The following SPTBN4 variants were observed in gnomAD, a reference collection of about 807,000 sequenced individuals.
The protein encoded by SPTBN4 is spectrin beta chain, non-erythrocytic 4.
Under a neutral mutation model 277.8 loss-of-function variants are expected in SPTBN4, and 96 were observed. The observed-to-expected ratio is 0.35, with a 90% CI of 0.29 to 0.41. SPTBN4 has a LOEUF of 0.41. Ranked by LOEUF, SPTBN4 falls within the 10% of genes least tolerant of loss-of-function variation. The pLI, the probability that SPTBN4 is intolerant of heterozygous loss-of-function variation, is 1.00. For missense variants in SPTBN4, 3,006 were observed against 3,595.7 expected (o/e 0.84, Z 4.19); for synonymous variants, 1,481 against 1,580.3 (o/e 0.94, Z 1.49).
intron 26 of SPTBN4, among the ~76,000 whole-genome samples, chr19:40,559,412 C>A (rs962742328): frequency 3.3e-5 from 5 of 152,078 alleles, no homozygotes; most frequent in Non-Finnish European, 7.4e-5. Flanking sequence ...CTTTGGGAGG[C>A]CAACCTGGGA....
Position 40,567,909 on chromosome 19 carries a change from C to T in SPTBN4, c.6583C>T (p.Leu2195=). The T allele has an allele frequency of 1.3e-6, 2 of 1,522,774 alleles. No homozygotes were observed. Among genetic ancestry groups the T allele is most frequent in the Middle Eastern group, 2.2e-4 (1 of 4,454 alleles). The allele number at this position is 1,522,774 out of a possible 1,614,324, so 94.3% of individuals were successfully genotyped here. A position where few individuals can be genotyped will look rare whatever the true frequency, so the allele number is the denominator to read the frequency against. ...GCGCCTCCAGCCGCGCATTGACCGG[C>T]TGCCGGAGATCCCGGGGAGGGTGGA... ...PERLQPRIDR[L]PEIPGRVEPA... is the part of the protein sequence containing the mutation. The change falls in exon 31 of 36, where the codon CTG becomes TTG. Residue 2195 remains leucine (L), a synonymous_variant. Transcript: ENST00000598249.
intron 6 of SPTBN4, among the ~76,000 whole-genome samples, chr19:40,497,095 A>AG (rs2080207249): frequency 6.7e-6 from 1 of 148,544 alleles, no homozygotes; most frequent in Admixed American, 6.7e-5. Flanking sequence ...AAAAAAAAAA[A>AG]GAGGTACATG....
In SPTBN4 at chr19:40,565,509, G is replaced by A; in HGVS notation, c.6002G>A (p.Cys2001Tyr). 2 of 1,614,148 alleles carry A rather than the reference G, an allele frequency of 1.2e-6. No individual in the cohort carries two copies. The highest frequency in any genetic ancestry group is 1.7e-6 in the Non-Finnish European group (2 of 1,180,006). Reference protein sequence around the residue: ...LEARVPELTTCQELGRSLLLN... With the variant: ...LEARVPELTTYQELGRSLLLN... ...GCGCGGGTGCCTGAGCTGACCACCT[G>A]CCAGGAGCTGGGGCGATCTCTGCTG... Residue 2001 changes from cysteine to tyrosine, a missense_variant, in exon 28 of 36, where the codon TGC (cysteine) becomes TAC (tyrosine). Transcript: ENST00000598249.
Position 40,557,109 on chromosome 19 carries a change from TGAGCTGATCGA to T in SPTBN4, c.5378_5388del (p.Glu1793ValfsTer22). 1.2e-6 allele frequency: 2 copies of T among 1,607,126 alleles called. No individual in the cohort carries two copies. Among genetic ancestry groups the T allele is most frequent in the Non-Finnish European group, 1.7e-6 (2 of 1,175,476 alleles). Reference sequence around the variant, plus strand: ...TGGCAGCTGTGAACCAGATGGTGGATGAGCTGATCGAGTGTGGCCATACAGCAGCGGCCACC... The same window carrying T: ...TGGCAGCTGTGAACCAGATGGTGGATGTGTGGCCATACAGCAGCGGCCACC... On this transcript the variant is annotated frameshift_variant, in exon 26 of 36. Transcript: ENST00000598249. LOFTEE classifies it high-confidence loss of function.
chr19:40,569,764 C>T (rs369994291), intron 32 of SPTBN4, 38 bp downstream of exon 32: 6 of 1,576,772 alleles, frequency 3.8e-6, no homozygotes, highest in Non-Finnish European at 5.2e-6. Context: ...TAGGAGGACC[C>T]CTTTTTCAGA....
At chr19:40,481,092 T>C (rs13382035) in intron 2 of SPTBN4, among the ~76,000 whole-genome samples, 22,223 of 152,090 alleles carry the variant, frequency 0.15, 1,971 homozygotes, top group African/African-American at 0.24. Context: ...AAATAAATGG[T>C]GGTGTTCTCA....
chr19:40,536,008 G>A (rs949184806), intron 20 of SPTBN4, among the ~76,000 whole-genome samples: 1 of 152,070 alleles, frequency 6.6e-6, no homozygotes, highest in Non-Finnish European at 1.5e-5. Context: ...TATGTGCCCG[G>A]CACTTTTCTG....
Position 40,487,949 on chromosome 19 carries a change from C to T in SPTBN4, c.321+101C>T, listed in dbSNP as rs75356883. 1,510 of 1,347,538 alleles carry T rather than the reference C, an allele frequency of 1.1e-3. 8 individuals are homozygous for T. In the African/African-American group the frequency reaches 0.019, roughly 17 times the overall value. 83.5% of individuals were successfully genotyped at this position (1,347,538 alleles called of 1,614,324 possible). The stretch of plus-strand genomic sequence containing the variant: ...CTGAACTGCAAGCAGGGGCCTGGCT[C>T]ATGGGCGAGTGGAACGTGCTGGAAG... On this transcript the variant is annotated intron_variant, in intron 3 of 35. Coordinates refer to ENST00000598249, the MANE Select transcript of SPTBN4 (RefSeq NM_020971.3).
chr19:40,540,760 G>A (rs773784750), intron 20 of SPTBN4, among the ~76,000 whole-genome samples: 41 of 141,572 alleles, frequency 2.9e-4, no homozygotes, highest in Non-Finnish European at 5.7e-4. Flanking sequence ...GCTGCAGTGA[G>A]CTGTGATCGT....
chr19:40,539,140 G>T (rs915766494), intron 20 of SPTBN4, among the ~76,000 whole-genome samples: 2 of 152,154 alleles, frequency 1.3e-5, no homozygotes, highest in Middle Eastern at 3.4e-3. Flanking sequence ...CCAGCCTATT[G>T]CTAGGATTCA....
Position 40,575,418 on chromosome 19 carries a change from T to G in SPTBN4, c.7544T>G (p.Met2515Arg), listed in dbSNP as rs1453040029. Residue 2515 changes from methionine to arginine, a missense_variant, in exon 36 of 36, where the codon ATG (methionine) becomes AGG (arginine). By Grantham distance (91) the Met-to-Arg change is moderately conservative. Transcript: ENST00000598249. The part of the protein sequence containing the change: ...FLLQAKDEEE[M>R]NGWLEAVASS... ...CCCTGTTTCTTCCCCCAGGAGGAGATGAACGGCTGGCTGGAGGCTGTAGCT... is the reference window on the plus strand; with the variant it reads ...CCCTGTTTCTTCCCCCAGGAGGAGAGGAACGGCTGGCTGGAGGCTGTAGCT... 1.2e-6 allele frequency: 2 copies of G among 1,613,312 alleles called. No homozygotes were observed. The highest frequency in any genetic ancestry group is 2.2e-5 in the East Asian group (1 of 44,862).
In SPTBN4 at chr19:40,568,074, G is replaced by A; in HGVS notation, c.6748G>A (p.Glu2250Lys). ...GGAGCTGCCCAGGAGGCGGCGGCCT[G>A]AGCGGCAAGAGTCAGTCGATCAATC... Reference protein sequence around the residue: ...AEELPRRRRPERQESVDQSEE... With the variant: ...AEELPRRRRPKRQESVDQSEE... Residue 2250 changes from glutamate to lysine, a missense_variant, in exon 31 of 36, where the codon GAG (glutamate) becomes AAG (lysine). By Grantham distance (56) the Glu-to-Lys change is moderately conservative (BLOSUM62 1). Transcript: ENST00000598249. 1 of 1,561,732 alleles carries A rather than the reference G, an allele frequency of 6.4e-7. No homozygotes were observed. Among genetic ancestry groups the A allele is most frequent in the Non-Finnish European group, 8.7e-7 (1 of 1,153,570 alleles).
In SPTBN4 at chr19:40,519,276, A is replaced by G; in HGVS notation, c.2904-125A>G. ...TCCATTTTACACCGGCAGAAACTGGAGAAACTTTCTGAGGTCACACAGTGG... is the reference window on the plus strand; with the variant it reads ...TCCATTTTACACCGGCAGAAACTGGGGAAACTTTCTGAGGTCACACAGTGG... On this transcript the variant is annotated intron_variant, in intron 15 of 35. Coordinates refer to ENST00000598249, the MANE Select transcript of SPTBN4 (RefSeq NM_020971.3). This position sits in a 1 kb window ranked among gnomAD's most constrained non-coding sequence, Gnocchi z 5.7. 3.0e-6 allele frequency: 3 copies of G among 991,414 alleles called. No individual in the cohort carries two copies. Among genetic ancestry groups the G allele is most frequent in the Non-Finnish European group, 4.1e-6 (3 of 739,206 alleles). 61.4% of individuals were successfully genotyped at this position (991,414 alleles called of 1,614,324 possible). A position where few individuals can be genotyped will look rare whatever the true frequency, so the allele number is the denominator to read the frequency against.
At chr19:40,487,042 CT>C (rs555955126) in intron 2 of SPTBN4, among the ~76,000 whole-genome samples, 103 of 139,184 alleles carry the variant, frequency 7.4e-4, no homozygotes, top group South Asian at 8.8e-4. Flanking sequence ...GCTGGACTCT[CT>C]TTTTTTTTTT....
chr19:40,515,579 C>A lies in SPTBN4; in HGVS notation c.2903+131C>A, dbSNP rs888908608. 2 of 1,120,844 alleles carry A rather than the reference C, an allele frequency of 1.8e-6. No homozygotes were observed. The highest frequency in any genetic ancestry group is 2.4e-6 in the Non-Finnish European group (2 of 832,494). The allele number at this position is 1,120,844 out of a possible 1,614,324, so 69.4% of individuals were successfully genotyped here. On this transcript the variant is annotated intron_variant, in intron 15 of 35. Coordinates refer to ENST00000598249, the MANE Select transcript of SPTBN4 (RefSeq NM_020971.3). The surrounding 1 kb of genome is among the most constrained non-coding windows in gnomAD (Gnocchi z 4.1). ...ACCCGATAAATCAACAAAATGTTGACCAAAAATCATAATCCCTGATACTGG... is the reference window on the plus strand; with the variant it reads ...ACCCGATAAATCAACAAAATGTTGAACAAAAATCATAATCCCTGATACTGG...
intron 20 of SPTBN4, among the ~76,000 whole-genome samples, chr19:40,542,735 TA>T (rs1020901156): frequency 2.5e-4 from 38 of 152,034 alleles, no homozygotes; most frequent in Middle Eastern, 3.4e-3. Context: ...TCAGGGACTA[TA>T]CAGTCCCAGT....
chr19:40,545,836 T>C (rs368888796), intron 20 of SPTBN4, among the ~76,000 whole-genome samples: 3 of 151,920 alleles, frequency 2.0e-5, no homozygotes, highest in East Asian at 3.9e-4. Context: ...GGTCAGGAGA[T>C]CGAGACCATC....
At chr19:40,525,743 C>T (rs547172906) in intron 17 of SPTBN4, among the ~76,000 whole-genome samples, 1 of 152,230 alleles carries the variant, frequency 6.6e-6, no homozygotes, top group East Asian at 1.9e-4. Flanking sequence ...AGAGCTCGAA[C>T]GTTATCTGAC....
At position 40,519,746 on chromosome 19, in the gene SPTBN4, G is replaced by C; in HGVS notation, c.3249G>C (p.Ala1083=). ...LASAAQACGE[A]VAAAGRLQRF... ...GCGCGGCTCAGGCCTGCGGCGAGGC[G>C]GTGGCGGCAGCAGGGCGCCTGCAGC... Residue 1083 remains alanine, a synonymous_variant, in exon 16 of 36, where the codon GCG becomes GCC. Transcript: ENST00000598249. This position sits in a 1 kb window ranked among gnomAD's most constrained non-coding sequence, Gnocchi z 5.7. 1.4e-6 allele frequency: 2 copies of C among 1,403,508 alleles called. No homozygotes were observed. The highest frequency in any genetic ancestry group is 1.8e-6 in the Non-Finnish European group (2 of 1,090,802). 86.9% of individuals were successfully genotyped at this position (1,403,508 alleles called of 1,614,324 possible).
Sources: allele counts gnomAD v4.1 joint callset (sites outside exome capture counted in the v4.1 genomes callset), GRCh38; gene constraint gnomAD v4.1.1; non-coding constraint Gnocchi (gnomAD v3.1); transcripts MANE v1.5; gene names NCBI Gene and HGNC (gene_info 2026-07-23, HGNC 2026-07-21).